CA10: variants seen among roughly 807,000 people sequenced by gnomAD.
The protein encoded by CA10 is carbonic anhydrase 10 (inactive), also known as carbonic anhydrase-related protein 10.
Under a neutral mutation model 44.2 loss-of-function variants are expected in CA10, and 14 were observed. That is an observed-to-expected ratio of 0.32 (90% confidence interval 0.21 to 0.50). The LOEUF (loss-of-function observed/expected upper bound fraction) is 0.50, where lower values mean the gene tolerates loss of function less well. CA10 is among the 20% of genes least tolerant of loss of function. The pLI is 0.99. For synonymous variants in CA10, 159 were observed against 141.6 expected (o/e 1.12, Z -0.87); for missense variants, 350 against 409.7 (o/e 0.85, Z 1.26).
At chr17:51,663,817 A>G (rs1914104839) in intron 4 of CA10, among the ~76,000 whole-genome samples, 1 of 152,216 alleles carries the variant, frequency 6.6e-6, no homozygotes, top group Non-Finnish European at 1.5e-5. Context: ...AAGTCAGGCC[A>G]TTCACACTTT....
At chr17:51,924,327 G>A (rs1425840879) in intron 3 of CA10, among the ~76,000 whole-genome samples, 2 of 152,130 alleles carry the variant, frequency 1.3e-5, no homozygotes, top group Non-Finnish European at 1.5e-5. Context: ...GGAACAAAAG[G>A]TATGTACGAA....
At chr17:51,675,715 C>CAA (rs199731935) in intron 4 of CA10, among the ~76,000 whole-genome samples, 11 of 140,876 alleles carry the variant, frequency 7.8e-5, no homozygotes, top group Admixed American at 3.6e-4. Flanking sequence ...GGCTGCGTCT[C>CAA]AAAAAAAAAA....
At chr17:51,912,042 A>C (rs1262666672) in intron 3 of CA10, among the ~76,000 whole-genome samples, 1 of 152,170 alleles carries the variant, frequency 6.6e-6, no homozygotes, top group Non-Finnish European at 1.5e-5. Flanking sequence ...TAACAAGTAC[A>C]GATATCACAT....
intron 1 of CA10, among the ~76,000 whole-genome samples, chr17:52,119,921 G>A (rs958056409): frequency 6.6e-6 from 1 of 152,148 alleles, no homozygotes; most frequent in Non-Finnish European, 1.5e-5. Context: ...ATCTCCAACT[G>A]CAGCTCAGAA....
chr17:51,947,224 C>CAAAAAAAAAAAAAAAAAAAAAAAAAAAA, intron 2 of CA10, among the ~76,000 whole-genome samples: 1 of 52,136 alleles, frequency 1.9e-5, no homozygotes, highest in Non-Finnish European at 3.7e-5. Flanking sequence ...TCTTCATGTG[C>CAAAAAAAAAAAAAAAAAAAAAAAAAAAA]AAAAAAAAAA....
intron 4 of CA10, among the ~76,000 whole-genome samples, chr17:51,677,469 A>G (rs1914664700): frequency 6.6e-6 from 1 of 152,148 alleles, no homozygotes. Flanking sequence ...CCAGAAGCAG[A>G]TGCTGCCATG....
At chr17:51,706,940 C>T (rs74768035) in intron 4 of CA10, among the ~76,000 whole-genome samples, 7 of 152,134 alleles carry the variant, frequency 4.6e-5, no homozygotes, top group Non-Finnish European at 7.4e-5. Context: ...GCAATCCCCA[C>T]CCCACACTGG....
At chr17:52,150,945 G>A (rs1297639904) in intron 1 of CA10, among the ~76,000 whole-genome samples, 2 of 152,020 alleles carry the variant, frequency 1.3e-5, no homozygotes, top group Non-Finnish European at 2.9e-5. Flanking sequence ...TTTTAAAAAA[G>A]TGTATCACTT....
intron 1 of CA10, among the ~76,000 whole-genome samples, chr17:52,082,751 C>T (rs1057067502): frequency 5.3e-5 from 8 of 152,108 alleles, no homozygotes; most frequent in African/African-American, 1.7e-4. Flanking sequence ...ATAATGCTAA[C>T]CATTTAAATA....
chr17:52,091,285 T>A (rs142269819), intron 1 of CA10, among the ~76,000 whole-genome samples: 230 of 152,246 alleles, frequency 1.5e-3, no homozygotes, highest in Non-Finnish European at 2.8e-3. Flanking sequence ...TTTTTATGAT[T>A]AGGATAAAAA....
chr17:51,786,769 G>C (rs575829278), intron 3 of CA10, among the ~76,000 whole-genome samples: 1 of 151,988 alleles, frequency 6.6e-6, no homozygotes, highest in African/African-American at 2.4e-5. Flanking sequence ...TGGAGGAAGG[G>C]CTTTCAGATT....
At chr17:51,642,961 T>C (rs1913154971) in intron 6 of CA10, among the ~76,000 whole-genome samples, 1 of 152,160 alleles carries the variant, frequency 6.6e-6, no homozygotes, top group African/African-American at 2.4e-5. Context: ...TTTTTAAATT[T>C]GAAATTTGTG....
chr17:52,098,359 C>G (rs989223881), intron 1 of CA10, among the ~76,000 whole-genome samples: 11 of 152,208 alleles, frequency 7.2e-5, no homozygotes, highest in Admixed American at 2.6e-4. Context: ...GCCTGAGATT[C>G]TGTATTTCTA....
chr17:51,963,417 A>G (rs539791291), intron 2 of CA10, among the ~76,000 whole-genome samples: 59 of 152,290 alleles, frequency 3.9e-4, no homozygotes, highest in Non-Finnish European at 5.9e-5. Context: ...AATCCAGAGA[A>G]CACTTGCAGT....
chr17:51,830,342 C>A (rs1908191121), intron 3 of CA10, among the ~76,000 whole-genome samples: 1 of 151,858 alleles, frequency 6.6e-6, no homozygotes, highest in Non-Finnish European at 1.5e-5. Flanking sequence ...CACAGTAGAC[C>A]AGGGATGCCT....
intron 3 of CA10, among the ~76,000 whole-genome samples, chr17:51,820,932 T>C (rs1420814595): frequency 6.6e-6 from 1 of 152,014 alleles, no homozygotes; most frequent in Non-Finnish European, 1.5e-5. Context: ...AGTAGAAATC[T>C]TGAGGATTGT....
At chr17:51,849,810 C>T (rs531055787) in intron 3 of CA10, among the ~76,000 whole-genome samples, 10 of 152,230 alleles carry the variant, frequency 6.6e-5, no homozygotes, top group East Asian at 1.9e-4. Flanking sequence ...ATATCACAGC[C>T]GCTGTCATGC....
At chr17:52,028,106 A>G (rs1986355491) in intron 2 of CA10, among the ~76,000 whole-genome samples, 1 of 152,184 alleles carries the variant, frequency 6.6e-6, no homozygotes, top group Non-Finnish European at 1.5e-5. Flanking sequence ...AAGATAAATG[A>G]GATAATAAAG....
intron 3 of CA10, among the ~76,000 whole-genome samples, chr17:51,904,391 C>G (rs2143937377): frequency 6.6e-6 from 1 of 152,054 alleles, no homozygotes; most frequent in East Asian, 1.9e-4. Flanking sequence ...TTTTCTTTTC[C>G]TCAGGCCCAG....
Sources: allele counts gnomAD v4.1 joint callset (sites outside exome capture counted in the v4.1 genomes callset), GRCh38; gene constraint gnomAD v4.1.1; transcripts MANE v1.5; gene names NCBI Gene and HGNC (gene_info 2026-07-23, HGNC 2026-07-21).